The following MARCHF5 variants were observed in gnomAD, a reference collection of about 807,000 sequenced individuals.
The protein encoded by MARCHF5 is E3 ubiquitin-protein ligase MARCHF5.
A neutral mutation model predicts 36.5 loss-of-function variants in MARCHF5; 5 were observed. The observed-to-expected ratio is 0.14, with a 90% CI of 0.07 to 0.29. MARCHF5 has a LOEUF of 0.29. MARCHF5 is among the 10% of genes least tolerant of loss of function. MARCHF5 has a pLI of 1.00. For synonymous variants in MARCHF5, 103 were observed against 109.9 expected, an observed-to-expected ratio of 0.94 and a Z score of 0.39; for missense variants, 179 against 336.3, an observed-to-expected ratio of 0.53 and a Z score of 3.66.
intron 2 of MARCHF5, among the ~76,000 whole-genome samples, chr10:92,319,661 G>T (rs150819063): frequency 6.7e-6 from 1 of 148,216 alleles, no homozygotes; most frequent in Non-Finnish European, 1.5e-5. Flanking sequence ...TTTGTTTTTT[G>T]TTTTTTTTTC....
intron 3 of MARCHF5, among the ~76,000 whole-genome samples, chr10:92,342,878 G>A (rs1223187271): frequency 6.6e-6 from 1 of 152,210 alleles, no homozygotes; most frequent in African/African-American, 2.4e-5. Context: ...TAATATTCCA[G>A]GAACTGCATA....
At chr10:92,345,174 A>G (rs995335077) in intron 3 of MARCHF5, among the ~76,000 whole-genome samples, 1 of 115,626 alleles carries the variant, frequency 8.6e-6, no homozygotes, top group Non-Finnish European at 1.6e-5. Context: ...ATTCTGAGTT[A>G]AAAAAAAAAA....
chr10:92,295,983 C>T (rs1842945589), intron 1 of MARCHF5, among the ~76,000 whole-genome samples: 1 of 151,498 alleles, frequency 6.6e-6, no homozygotes, highest in Non-Finnish European at 1.5e-5. Context: ...TCGCGTGATT[C>T]TCCTGCCTTA....
chr10:92,349,706 G>A lies in MARCHF5; in HGVS notation c.589G>A (p.Ala197Thr), dbSNP rs1325400533. The A allele has an allele frequency of 1.2e-6, 2 of 1,614,044 alleles. No individual in the cohort carries two copies. The highest frequency in any genetic ancestry group is 1.7e-6 in the Non-Finnish European group (2 of 1,180,000). The change falls in exon 5 of 6, where the codon GCC becomes ACC. Residue 197 changes from alanine (A) to threonine (T), a missense_variant. Physicochemically the swap from Ala to Thr is moderately conservative, Grantham distance 58. Transcript: ENST00000358935. ...TCCTGTTCCTCGAATTCCAGCTGAGGCCAATCCTTTAGCAGATCATGTCTC... is the reference window on the plus strand; with the variant it reads ...TCCTGTTCCTCGAATTCCAGCTGAGACCAATCCTTTAGCAGATCATGTCTC... ...GCPVPRIPAE[A>T]NPLADHVSAT...
rs1843727194 is a variant in MARCHF5 at position 92,352,433 on chromosome 10, G to A, written c.*1226G>A. 1 of 152,104 alleles carries A rather than the reference G, an allele frequency of 6.6e-6. No individual in the cohort carries two copies. The highest frequency in any genetic ancestry group is 2.1e-4 in the South Asian group (1 of 4,822). 9.4% of individuals were successfully genotyped at this position (152,104 alleles called of 1,614,324 possible). A position where few individuals can be genotyped will look rare whatever the true frequency, so the allele number is the denominator to read the frequency against. On this transcript the variant is annotated 3_prime_UTR_variant, in exon 6 of 6. Coordinates refer to ENST00000358935, the MANE Select transcript of MARCHF5 (RefSeq NM_017824.5). Reference sequence around the variant, plus strand: ...AGCACCTTAATCACTGTTTAGTTTTGTATTCATTTTTAAAAGCAATTATTG... The same window carrying A: ...AGCACCTTAATCACTGTTTAGTTTTATATTCATTTTTAAAAGCAATTATTG...
intron 1 of MARCHF5, among the ~76,000 whole-genome samples, chr10:92,300,437 G>A (rs1459227678): frequency 1.3e-5 from 2 of 151,524 alleles, no homozygotes; most frequent in African/African-American, 4.8e-5. Flanking sequence ...AGGTTGCAGT[G>A]AGCTGAGATT....
intron 1 of MARCHF5, among the ~76,000 whole-genome samples, chr10:92,295,808 T>G (rs999093418): frequency 2.0e-5 from 3 of 152,110 alleles, no homozygotes; most frequent in African/African-American, 7.2e-5. Context: ...CTTTGATTAC[T>G]GTAATATTTG....
chr10:92,324,058 CT>C (rs1269329061), intron 2 of MARCHF5, among the ~76,000 whole-genome samples: 1 of 152,180 alleles, frequency 6.6e-6, no homozygotes, highest in Middle Eastern at 3.2e-3. Flanking sequence ...GCTCCACATC[CT>C]TGCCAGTGTT....
intron 1 of MARCHF5, among the ~76,000 whole-genome samples, chr10:92,293,533 G>A (rs1439945445): frequency 6.6e-6 from 1 of 151,878 alleles, no homozygotes; most frequent in African/African-American, 2.4e-5. Context: ...CACTTTGGGA[G>A]GCCAAGGCAG....
At chr10:92,343,550 A>G (rs763403787) in intron 3 of MARCHF5, among the ~76,000 whole-genome samples, 21 of 152,126 alleles carry the variant, frequency 1.4e-4, no homozygotes, top group Non-Finnish European at 2.6e-4. Flanking sequence ...AAAGGGTTTC[A>G]TAAATCTTTG....
intron 1 of MARCHF5, among the ~76,000 whole-genome samples, chr10:92,297,088 A>G (rs183487861): frequency 6.6e-6 from 1 of 151,902 alleles, no homozygotes; most frequent in African/African-American, 2.4e-5. Context: ...TCCCCACTCC[A>G]CTATCATAAA....
intron 2 of MARCHF5, among the ~76,000 whole-genome samples, chr10:92,327,308 C>CTTT (rs200392421): frequency 1.4e-5 from 2 of 140,282 alleles, no homozygotes; most frequent in African/African-American, 5.2e-5. Flanking sequence ...ATATGAAGAG[C>CTTT]TTTTTTTTTT....
In MARCHF5 at chr10:92,353,735, A is replaced by G. The variant is rs2135226787; in HGVS notation, c.*2528A>G. 1.9e-5 allele frequency: 2 copies of G among 105,506 alleles called. No individual in the cohort carries two copies. The highest frequency in any genetic ancestry group is 9.9e-3 in the Middle Eastern group (2 of 202). The allele number at this position is 105,506 out of a possible 1,614,324, so 6.5% of individuals were successfully genotyped here. On this transcript the variant is annotated 3_prime_UTR_variant, in exon 6 of 6. Coordinates refer to ENST00000358935, the MANE Select transcript of MARCHF5 (RefSeq NM_017824.5). ...TAAACCTCTTTTATAAAATTCAATGACGACTACTAGAATTCTTTTCAAAAG... is the reference window on the plus strand; with the variant it reads ...TAAACCTCTTTTATAAAATTCAATGGCGACTACTAGAATTCTTTTCAAAAG...
intron 2 of MARCHF5, among the ~76,000 whole-genome samples, chr10:92,332,179 G>A (rs1221497173): frequency 1.3e-5 from 2 of 150,930 alleles, no homozygotes; most frequent in Admixed American, 6.6e-5. Context: ...GACCAGCTGG[G>A]GCAACATAGC....
At position 92,306,148 on chromosome 10, in the gene MARCHF5, G is replaced by T. The variant is rs997619503; in HGVS notation, c.36-4987G>T. ...CTTGATCCATGTCTCAATGCCGTCA[G>T]TTTCCACCTTCACTTCTTCTGGATT... On this transcript the variant is annotated intron_variant, in intron 1 of 5. Coordinates refer to ENST00000358935, the MANE Select transcript of MARCHF5 (RefSeq NM_017824.5). Among the ~76,000 whole-genome samples, 12 of 152,322 alleles carry T rather than the reference G, an allele frequency of 7.9e-5. No individual in the cohort carries two copies. The East Asian group carries it at 1.2e-3, about 15-fold the overall frequency.
intron 2 of MARCHF5, among the ~76,000 whole-genome samples, chr10:92,323,246 C>A (rs564967369): frequency 6.6e-6 from 1 of 152,194 alleles, no homozygotes; most frequent in East Asian, 1.9e-4. Context: ...GATTTTAGAG[C>A]CTTTTTAGGT....
chr10:92,349,954 C>CT, intron 5 of MARCHF5, 117 bp downstream of exon 5: 1 of 743,842 alleles, frequency 1.3e-6, no homozygotes, highest in East Asian at 2.6e-5. Flanking sequence ...CATTAAGCCT[C>CT]TATTTGAGCC....
Position 92,291,493 on chromosome 10 carries a change from A to G in MARCHF5, c.-2A>G. 1 of 1,548,792 alleles carries G rather than the reference A, an allele frequency of 6.5e-7. No individual in the cohort carries two copies. The highest frequency in any genetic ancestry group is 1.2e-5 in the South Asian group (1 of 84,030). ...AGGCCGTGTGCGCCGGCTCCGCGGA[A>G]GATGCCGGACCAAGCCCTACAGCAG... On this transcript the variant is annotated 5_prime_UTR_variant, in exon 1 of 6. Coordinates refer to ENST00000358935, the MANE Select transcript of MARCHF5 (RefSeq NM_017824.5).
intron 3 of MARCHF5, among the ~76,000 whole-genome samples, chr10:92,343,122 C>T (rs923729430): frequency 5.9e-5 from 9 of 152,210 alleles, no homozygotes; most frequent in South Asian, 2.1e-4. Flanking sequence ...AATCGTACTT[C>T]GTTCTGCTTT....
Sources: gnomAD v4.1 joint callset for allele counts (sites outside exome capture counted in the v4.1 genomes callset) on GRCh38, gnomAD v4.1.1 for gene constraint, MANE v1.5 for transcripts, NCBI Gene and HGNC (gene_info 2026-07-23, HGNC 2026-07-21) for gene names.